Variants in ROR2 observed in about 807,000 individuals in gnomAD.
ROR2 encodes the protein tyrosine-protein kinase transmembrane receptor ROR2.
In ROR2, 33 loss-of-function variants were observed where a neutral mutation model predicts 74.9. The ratio of observed to expected loss-of-function variants is 0.44; its 90% CI spans 0.33 to 0.59. The LOEUF is 0.59. ROR2 is among the 20% of genes least tolerant of loss of function. ROR2 has a pLI of 0.02. For missense variants in ROR2, 1,216 were observed against 1,313.8 expected (o/e 0.93, Z 1.15); for synonymous variants, 586 against 558.7 (o/e 1.05, Z -0.69).
intron 1 of ROR2, among the ~76,000 whole-genome samples, chr9:91,822,308 C>T (rs1828161829): frequency 6.6e-6 from 1 of 152,192 alleles, no homozygotes; most frequent in African/African-American, 2.4e-5. Context: ...ATCAGAGTTC[C>T]TTGGAAAAAC....
intron 1 of ROR2, among the ~76,000 whole-genome samples, chr9:91,871,064 C>G (rs191827459): frequency 1.3e-5 from 2 of 152,348 alleles, no homozygotes; most frequent in East Asian, 3.9e-4. Flanking sequence ...TAGGGACTCT[C>G]CTGACCAAAG....
chr9:91,818,395 A>AC (rs1407668239), intron 1 of ROR2, among the ~76,000 whole-genome samples: 9 of 150,020 alleles, frequency 6.0e-5, no homozygotes, highest in South Asian at 2.1e-4. Flanking sequence ...AAAATGCCAC[A>AC]CCCCCCCACA....
At chr9:91,796,351 T>C (rs1256546283) in intron 1 of ROR2, among the ~76,000 whole-genome samples, 1 of 149,344 alleles carries the variant, frequency 6.7e-6, no homozygotes, top group South Asian at 2.1e-4. Flanking sequence ...GAGGACTGCT[T>C]GAGTCTGGGA....
intron 7 of ROR2, among the ~76,000 whole-genome samples, chr9:91,729,206 TCACA>T (rs1169258068): frequency 2.6e-5 from 4 of 152,130 alleles, no homozygotes; most frequent in Non-Finnish European, 2.9e-5. Flanking sequence ...CTGTGTGTGC[TCACA>T]CACAAACTCC....
chr9:91,789,051 G>A (rs533175552), intron 1 of ROR2, among the ~76,000 whole-genome samples: 12 of 152,198 alleles, frequency 7.9e-5, no homozygotes, highest in Admixed American at 5.2e-4. Context: ...GTGAGTTCTG[G>A]TGAGTAACAA....
intron 1 of ROR2, among the ~76,000 whole-genome samples, chr9:91,878,709 A>T (rs1429192510): frequency 6.6e-6 from 1 of 152,180 alleles, no homozygotes; most frequent in Non-Finnish European, 1.5e-5. Context: ...CTCCTTACAG[A>T]CCAAAATTAA....
At chr9:91,795,549 T>G (rs1827139944) in intron 1 of ROR2, among the ~76,000 whole-genome samples, 1 of 152,244 alleles carries the variant, frequency 6.6e-6, no homozygotes, top group African/African-American at 2.4e-5. Context: ...AGCAATCATA[T>G]CACCAGACAC....
rs753563302 is a variant in ROR2, at chr9:91,836,539, C to CAA, written c.98-60723_98-60722dup. Among the ~76,000 whole-genome samples, 126 of 102,446 alleles carry CAA rather than the reference C, an allele frequency of 1.2e-3. 1 individual carries two copies. Among genetic ancestry groups the CAA allele is most frequent in the African/African-American group, 3.6e-3 (110 of 30,318 alleles). 67.2% of individuals were successfully genotyped at this position (102,446 alleles called of 152,430 possible). On this transcript the variant is annotated intron_variant, in intron 1 of 8. Coordinates refer to ENST00000375708, the MANE Select transcript of ROR2 (RefSeq NM_004560.4). ...TGGAAGACAGAGTGAGATTCCATCT[C>CAA]AAAAAAAAAAAAAAACAGTCTGCAG...
intron 1 of ROR2, among the ~76,000 whole-genome samples, chr9:91,894,488 G>A (rs1830492716): frequency 6.6e-6 from 1 of 152,232 alleles, no homozygotes; most frequent in Non-Finnish European, 1.5e-5. Flanking sequence ...CAGAAGCAGA[G>A]AGAGTAAGAA....
chr9:91,889,153 C>T (rs561861512), intron 1 of ROR2, among the ~76,000 whole-genome samples: 1 of 152,298 alleles, frequency 6.6e-6, no homozygotes, highest in East Asian at 1.9e-4. Context: ...TTCCACAGTC[C>T]TGGGACACTT....
At chr9:91,788,303 C>T (rs879709008) in intron 1 of ROR2, among the ~76,000 whole-genome samples, 7 of 152,020 alleles carry the variant, frequency 4.6e-5, no homozygotes, top group African/African-American at 7.2e-5. Context: ...TTGAAGAAAA[C>T]ATAACTGAAA....
intron 1 of ROR2, among the ~76,000 whole-genome samples, chr9:91,823,093 T>TA (rs1327277014): frequency 2.6e-5 from 4 of 152,210 alleles, no homozygotes; most frequent in African/African-American, 9.6e-5. Context: ...TAAGCAGTTA[T>TA]AACAAGCAGA....
At chr9:91,833,736 C>T (rs1039882399) in intron 1 of ROR2, among the ~76,000 whole-genome samples, 1 of 152,102 alleles carries the variant, frequency 6.6e-6, no homozygotes, top group Non-Finnish European at 1.5e-5. Context: ...CCTCAACACG[C>T]AGAAGGAGCT....
chr9:91,751,373 T>A (rs1421639319), intron 4 of ROR2, among the ~76,000 whole-genome samples: 1 of 152,000 alleles, frequency 6.6e-6, no homozygotes, highest in Non-Finnish European at 1.5e-5. Context: ...GAGACCTACA[T>A]AAAACAGAAC....
chr9:91,934,382 T>C (rs1244034876), intron 1 of ROR2, among the ~76,000 whole-genome samples: 1 of 152,182 alleles, frequency 6.6e-6, no homozygotes, highest in East Asian at 1.9e-4. Context: ...ATACGTAGCA[T>C]TGTTTAAATA....
At chr9:91,812,580 G>A (rs929826611) in intron 1 of ROR2, among the ~76,000 whole-genome samples, 3 of 142,784 alleles carry the variant, frequency 2.1e-5, no homozygotes, top group East Asian at 4.8e-4. Context: ...CCACACACAC[G>A]TGTGTGTGGC....
At chr9:91,728,836 G>C (rs905907799) in intron 7 of ROR2, among the ~76,000 whole-genome samples, 1 of 152,188 alleles carries the variant, frequency 6.6e-6, no homozygotes, top group Non-Finnish European at 1.5e-5. Context: ...GGAGCAGATA[G>C]ATATGTGTGT....
intron 1 of ROR2, among the ~76,000 whole-genome samples, chr9:91,949,512 G>A (rs1587870504): frequency 6.6e-6 from 1 of 151,890 alleles, no homozygotes; most frequent in East Asian, 2.0e-4. Flanking sequence ...GGGACCCTCG[G>A]GGCACATCTG....
intron 1 of ROR2, among the ~76,000 whole-genome samples, chr9:91,824,030 T>C (rs767415342): frequency 1.2e-4 from 18 of 152,218 alleles, no homozygotes; most frequent in Non-Finnish European, 2.4e-4. Context: ...CTTTTCACAA[T>C]GAGCTGGTGC....
Sources: allele counts gnomAD v4.1 joint callset (sites outside exome capture counted in the v4.1 genomes callset), GRCh38; gene constraint gnomAD v4.1.1; transcripts MANE v1.5; gene names NCBI Gene and HGNC (gene_info 2026-07-23, HGNC 2026-07-21).